The following PHACTR2 variants were observed in gnomAD, a reference collection of about 807,000 sequenced individuals.
PHACTR2 encodes phosphatase and actin regulator 2, also known as chromosome 6 open reading frame 56.
In PHACTR2, 30 loss-of-function variants were observed where a neutral mutation model predicts 76.0. The observed-to-expected ratio is 0.39, with a 90% CI of 0.30 to 0.54. The LOEUF (loss-of-function observed/expected upper bound fraction) is 0.54. Among genes scored for constraint, PHACTR2 ranks in the 20% least tolerant of loss-of-function variants. The pLI, the probability that PHACTR2 is intolerant of heterozygous loss-of-function variation, is 0.61. For synonymous variants in PHACTR2, 292 were observed against 292.5 expected (o/e 1.00, Z 0.02); for missense variants, 696 against 781.1 (o/e 0.89, Z 1.30).
chr6:143,638,797 T>G (rs1776514290), intron 1 of PHACTR2, among the ~76,000 whole-genome samples: 1 of 152,210 alleles, frequency 6.6e-6, no homozygotes, highest in South Asian at 2.1e-4. Context: ...CAGACAATGC[T>G]TCTTGCATAT....
At chr6:143,766,926 T>C (rs1779576252) in intron 6 of PHACTR2, among the ~76,000 whole-genome samples, 1 of 152,198 alleles carries the variant, frequency 6.6e-6, no homozygotes, top group South Asian at 2.1e-4. Context: ...CATCCTGGCT[T>C]TTTGCTCCTG....
At position 143,827,155 on chromosome 6, in the gene PHACTR2, A is replaced by AAAAAAAATAT. The variant is rs1254251707; in HGVS notation, c.*3467_*3468insAAAAAATATA. On this transcript the variant is annotated 3_prime_UTR_variant, in exon 13 of 13. Coordinates refer to ENST00000440869, the MANE Select transcript of PHACTR2 (RefSeq NM_001100164.2). The stretch of plus-strand genomic sequence containing the variant: ...GGGCTGCGTTGGCATTAAAAAAGAA[A>AAAAAAAATAT]ATATATATATATATATATATATATA... The AAAAAAAATAT allele has an allele frequency of 1.3e-5, 1 of 77,232 alleles. No individual in the cohort carries two copies. Among genetic ancestry groups the AAAAAAAATAT allele is most frequent in the African/African-American group, 5.0e-5 (1 of 20,062 alleles). 4.8% of individuals were successfully genotyped at this position (77,232 alleles called of 1,614,324 possible). A position where few individuals can be genotyped will look rare whatever the true frequency, so the allele number is the denominator to read the frequency against.
intron 1 of PHACTR2, among the ~76,000 whole-genome samples, chr6:143,635,283 A>G (rs1776430610): frequency 6.6e-6 from 1 of 151,686 alleles, no homozygotes; most frequent in African/African-American, 2.4e-5. Flanking sequence ...ACTCAAATGC[A>G]TTTAACTAGT....
chr6:143,758,860 G>A (rs1028171642), intron 4 of PHACTR2, among the ~76,000 whole-genome samples: 1 of 152,046 alleles, frequency 6.6e-6, no homozygotes, highest in Non-Finnish European at 1.5e-5. Flanking sequence ...GGATTGATGG[G>A]GAATGTGGTT....
chr6:143,703,828 A>G (rs908332130), intron 1 of PHACTR2, among the ~76,000 whole-genome samples: 1 of 152,226 alleles, frequency 6.6e-6, no homozygotes, highest in Non-Finnish European at 1.5e-5. Context: ...ACATTTATAT[A>G]TAGAAAGTTC....
chr6:143,691,492 A>ATATTT (rs140235059), intron 1 of PHACTR2, among the ~76,000 whole-genome samples: 16,130 of 152,092 alleles, frequency 0.11, 1,934 homozygotes, highest in African/African-American at 0.3. Context: ...ATTGCCAGAA[A>ATATTT]CCTGTTTGCT....
chr6:143,714,959 CT>C (rs1375909997), intron 2 of PHACTR2, among the ~76,000 whole-genome samples: 5 of 152,142 alleles, frequency 3.3e-5, no homozygotes, highest in African/African-American at 1.2e-4. Context: ...TACAAATGCC[CT>C]GCCTAAATAA....
chr6:143,694,379 T>C (rs1180907828), intron 1 of PHACTR2, among the ~76,000 whole-genome samples: 1 of 152,138 alleles, frequency 6.6e-6, no homozygotes, highest in African/African-American at 2.4e-5. Flanking sequence ...GATCGAGTAA[T>C]GTTCAGGAAA....
rs200454813 is a variant in PHACTR2 at position 143,765,584 on chromosome 6, G to C, written c.1018G>C (p.Val340Leu). The change falls in exon 6 of 13, where the codon GTG (valine) becomes CTG (leucine). Residue 340 changes from valine to leucine, a missense_variant. Val to Leu is a conservative substitution (Grantham distance 32, BLOSUM62 1). Around this residue, in one of 2 missense-constraint regions of PHACTR2, gnomAD observed 460 missense variants for 450.9 expected, o/e 1.02. Coordinates refer to ENST00000440869, the MANE Select transcript of PHACTR2 (RefSeq NM_001100164.2). The surrounding 1 kb of genome is among the most constrained non-coding windows in gnomAD (Gnocchi z 4.1). ...CAAGTCCATGGTCCCTCCACCCCCT[G>C]TGGCTCCAGCACCTTCTCCTCTGGC... ...KFKSMVPPPP[V>L]APAPSPLAPP... 8.0e-5 allele frequency: 129 copies of C among 1,614,056 alleles called. 1 individual carries two copies. In the African/African-American group the frequency reaches 1.7e-3, roughly 21 times the overall value.
Position 143,671,465 on chromosome 6 carries a change from C to T in PHACTR2, c.14-40551C>T, listed in dbSNP as rs1183224798. Among the ~76,000 whole-genome samples the T allele has an allele frequency of 2.0e-5, 3 of 152,222 alleles. No homozygotes were observed. Among genetic ancestry groups the T allele is most frequent in the Non-Finnish European group, 2.9e-5 (2 of 68,036 alleles). On this transcript the variant is annotated intron_variant, in intron 1 of 11. Transcript: ENST00000305766. This position sits in a 1 kb window ranked among gnomAD's most constrained non-coding sequence, Gnocchi z 4.6. ...TGTTTTTGCTTAAACATTATCTTCT[C>T]AGTGAGGACAACTGTGAACACCACA...
chr6:143,760,781 G>A lies in PHACTR2; in HGVS notation c.694+141G>A, dbSNP rs1779423906. 3 of 956,576 alleles carry A rather than the reference G, an allele frequency of 3.1e-6. No homozygotes were observed. Among genetic ancestry groups the A allele is most frequent in the Admixed American group, 2.9e-5 (1 of 34,650 alleles). The allele number at this position is 956,576 out of a possible 1,614,324, so 59.3% of individuals were successfully genotyped here. ...CAGGTTCAGCTTTGACACAAAGAATGCCCAGGAGATTCCTTTGTTGCTCTC... is the reference window on the plus strand; with the variant it reads ...CAGGTTCAGCTTTGACACAAAGAATACCCAGGAGATTCCTTTGTTGCTCTC... On this transcript the variant is annotated intron_variant, in intron 5 of 12. Transcript: ENST00000440869. The surrounding 1 kb of genome is among the most constrained non-coding windows in gnomAD (Gnocchi z 6.4).
intron 1 of PHACTR2, among the ~76,000 whole-genome samples, chr6:143,614,539 T>C: frequency 6.6e-6 from 1 of 152,334 alleles, no homozygotes; most frequent in East Asian, 1.9e-4. Context: ...TAAGTAACTT[T>C]TAACATAGAT....
chr6:143,807,075 C>T lies in PHACTR2; in HGVS notation c.1864C>T (p.Leu622=), dbSNP rs759207724. 1.9e-6 allele frequency: 3 copies of T among 1,600,992 alleles called. No homozygotes were observed. The highest frequency in any genetic ancestry group is 1.7e-5 in the Admixed American group (1 of 59,368). Residue 622 remains leucine (L), a synonymous_variant, in exon 12 of 13, where the codon CTA becomes TTA. Coordinates refer to ENST00000440869, the MANE Select transcript of PHACTR2 (RefSeq NM_001100164.2). This position sits in a 1 kb window ranked among gnomAD's most constrained non-coding sequence, Gnocchi z 5.5. ...PADKAAIRKE[L]NEFKSTEMEV... ...TGTTTAGGCAGCAATAAGGAAAGAA[C>T]TAAATGAATTTAAAAGCACAGAAAT... is the stretch of plus-strand genomic sequence containing the variant.
chr6:143,713,813 A>G (rs1465425189), intron 2 of PHACTR2, among the ~76,000 whole-genome samples: 1 of 152,170 alleles, frequency 6.6e-6, no homozygotes, highest in African/African-American at 2.4e-5. Context: ...GCCTTCTTCA[A>G]GTGCCTCCCT....
At chr6:143,797,093 A>G (rs1229761832) in intron 11 of PHACTR2, among the ~76,000 whole-genome samples, 1 of 152,150 alleles carries the variant, frequency 6.6e-6, no homozygotes, top group Admixed American at 6.5e-5. Context: ...CTTTTGAATG[A>G]TCGCCATTCT....
chr6:143,574,167 G>A (rs1775480640), intron 1 of PHACTR2, among the ~76,000 whole-genome samples: 1 of 152,204 alleles, frequency 6.6e-6, no homozygotes, highest in African/African-American at 2.4e-5. Flanking sequence ...TGGTTTGCTG[G>A]CTGTTCACTG....
At position 143,663,456 on chromosome 6, in the gene PHACTR2, T is replaced by C. The variant is rs1239227079; in HGVS notation, c.14-48560T>C. 6.6e-6 allele frequency among the ~76,000 whole-genome samples: 1 copy of C among 152,194 alleles called. No homozygotes were observed. Among genetic ancestry groups the C allele is most frequent in the Non-Finnish European group, 1.5e-5 (1 of 68,032 alleles). On this transcript the variant is annotated intron_variant, in intron 1 of 11. Transcript: ENST00000305766. This position sits in a 1 kb window ranked among gnomAD's most constrained non-coding sequence, Gnocchi z 4.1. The stretch of plus-strand genomic sequence containing the variant: ...CATTTTGTTTTTTACTCTGTTCTTT[T>C]TTCTTTTCTTTCCCTTTTTAGCTTT...
rs1171255003 is a variant in PHACTR2, at chr6:143,819,363, T to G, written c.1923-4311T>G. Among the ~76,000 whole-genome samples the G allele has an allele frequency of 2.0e-5, 3 of 152,074 alleles. No homozygotes were observed. Among genetic ancestry groups the G allele is most frequent in the African/African-American group, 7.2e-5 (3 of 41,406 alleles). ...GTAATAGGACAGGGGTGGGTATAGA[T>G]CCGATGGCCAAGAAAGGGGTCTGTA... On this transcript the variant is annotated intron_variant, in intron 12 of 12. Transcript: ENST00000440869. The surrounding 1 kb of genome is among the most constrained non-coding windows in gnomAD (Gnocchi z 5.0).
At position 143,787,545 on chromosome 6, in the gene PHACTR2, G is replaced by C. The variant is rs375388846; in HGVS notation, c.1708-1228G>C. ...GAGTGCTTTGAATATTACAGTATTG[G>C]CTTAGTTCAGAAGGAAACTGAGGCC... On this transcript the variant is annotated intron_variant, in intron 10 of 12. Transcript: ENST00000440869. This position sits in a 1 kb window ranked among gnomAD's most constrained non-coding sequence, Gnocchi z 4.6. Among the ~76,000 whole-genome samples, 3 of 152,178 alleles carry C rather than the reference G, an allele frequency of 2.0e-5. No individual in the cohort carries two copies. Among genetic ancestry groups the C allele is most frequent in the African/African-American group, 4.8e-5 (2 of 41,436 alleles).
Sources: gnomAD v4.1 joint callset for allele counts (sites outside exome capture counted in the v4.1 genomes callset) on GRCh38, gnomAD v4.1.1 for gene constraint, gnomAD v4.1.1 regional missense constraint, Gnocchi (gnomAD v3.1) non-coding constraint, MANE v1.5 for transcripts, NCBI Gene and HGNC (gene_info 2026-07-23, HGNC 2026-07-21) for gene names.